The following PARG variants were observed in gnomAD, a reference collection of about 807,000 sequenced individuals.
PARG encodes mitochondrial poly(ADP-ribose) glycohydrolase.
Under a neutral mutation model 113.0 loss-of-function variants are expected in PARG, and 35 were observed. The observed-to-expected ratio is 0.31, with a 90% CI of 0.24 to 0.41. The LOEUF is 0.41. PARG is among the 10% of genes least tolerant of loss of function. The pLI, the probability that PARG is intolerant of heterozygous loss-of-function variation, is 1.00. For missense variants in PARG, 797 were observed against 1,169.4 expected (o/e 0.68, Z 4.64); for synonymous variants, 330 against 409.9 (o/e 0.81, Z 2.36).
intron 16 of PARG, among the ~76,000 whole-genome samples, chr10:49,826,814 T>C (rs1273149287): frequency 3.3e-5 from 5 of 152,168 alleles, no homozygotes; most frequent in Non-Finnish European, 5.9e-5. Context: ...CCTCCTTTCT[T>C]CTTGGGTCAC....
At chr10:49,926,084 G>A (rs1554850515) in intron 4 of PARG, among the ~76,000 whole-genome samples, 1 of 152,250 alleles carries the variant, frequency 6.6e-6, no homozygotes, top group Non-Finnish European at 1.5e-5. Context: ...GGAGAGGAAA[G>A]GGGAAGGCAT....
At chr10:49,898,863 T>C (rs1848222695) in intron 7 of PARG, among the ~76,000 whole-genome samples, 1 of 151,960 alleles carries the variant, frequency 6.6e-6, no homozygotes, top group Non-Finnish European at 1.5e-5. Flanking sequence ...TAAAAAGTAA[T>C]TCTCCCTCTT....
At chr10:49,936,464 A>T (rs1838742581) in intron 1 of PARG, among the ~76,000 whole-genome samples, 1 of 152,230 alleles carries the variant, frequency 6.6e-6, no homozygotes. Flanking sequence ...TTTCCTTCCT[A>T]ACACATCAGC....
At position 49,933,523 on chromosome 10, in the gene PARG, A is replaced by C. The variant is rs2132977606; in HGVS notation, c.925T>G (p.Ser309Ala). The part of the protein sequence containing the change: ...EPESPMDVDN[S>A]KNSCQDSEAD... Reference sequence around the variant, plus strand: ...TCTGAGTCTTGACAACTATTTTTAGAATTATCCACATCCATCGGTGACTCG... The same window carrying C: ...TCTGAGTCTTGACAACTATTTTTAGCATTATCCACATCCATCGGTGACTCG... The change falls in exon 3 of 18, where the codon TCT becomes GCT. Residue 309 changes from serine (S) to alanine (A), a missense_variant. Ser to Ala is a moderately conservative substitution (Grantham distance 99). Coordinates refer to ENST00000616448, the MANE Select transcript of PARG (RefSeq NM_003631.5). 6.2e-7 allele frequency: 1 copy of C among 1,611,342 alleles called. No individual in the cohort carries two copies. Among genetic ancestry groups the C allele is most frequent in the African/African-American group, 1.3e-5 (1 of 74,968 alleles).
Position 49,922,386 on chromosome 10 carries a change from G to C in PARG, c.1612C>G (p.Leu538Val). The C allele has an allele frequency of 2.5e-6, 4 of 1,607,290 alleles. No individual in the cohort carries two copies. The Admixed American group carries it at 5.1e-5, about 20-fold the overall frequency. ...TTGTTGAGAAGTGCAGTCTGAATGA[G>C]CTCCCACCGGCTCCCCGCAGTTCGC... ...GERTAGSRWE[L>V]IQTALLNKFT... The change falls in exon 6 of 18, where the codon CTC becomes GTC. Residue 538 changes from leucine to valine, a missense_variant. This residue lies in a region of PARG where 252 missense variants were observed against 437.4 expected (regional missense o/e 0.58). Transcript: ENST00000616448.
At chr10:49,824,368 T>A (rs1327990113) in intron 16 of PARG, among the ~76,000 whole-genome samples, 1 of 152,180 alleles carries the variant, frequency 6.6e-6, no homozygotes, top group Non-Finnish European at 1.5e-5. Flanking sequence ...TAGAAGAGAA[T>A]AAATCACAAG....
chr10:49,845,080 T>C (rs1845442660), intron 13 of PARG, among the ~76,000 whole-genome samples: 1 of 152,008 alleles, frequency 6.6e-6, no homozygotes, highest in Non-Finnish European at 1.5e-5. Flanking sequence ...AAAGAGAGGC[T>C]AAAATACAAA....
Position 49,940,714 on chromosome 10 carries a change from G to C in PARG, c.217+795C>G, listed in dbSNP as rs1838999724. 4.6e-5 allele frequency among the ~76,000 whole-genome samples: 7 copies of C among 152,230 alleles called. No individual in the cohort carries two copies. In the South Asian group the frequency reaches 1.5e-3, roughly 32 times the overall value. On this transcript the variant is annotated intron_variant, in intron 1 of 17. Transcript: ENST00000616448. ...GCTAATTTTTTGTATTTTTAGCAGA[G>C]ACGGGGTTTCACCATATTGGTAAGG...
chr10:49,893,435 G>A (rs1459647943), intron 7 of PARG, among the ~76,000 whole-genome samples: 9 of 152,084 alleles, frequency 5.9e-5, no homozygotes, highest in African/African-American at 2.2e-4. Context: ...TTTTTCAATT[G>A]TAGTTCTTTA....
intron 10 of PARG, among the ~76,000 whole-genome samples, chr10:49,866,201 T>C (rs1344986414): frequency 1.3e-5 from 2 of 152,144 alleles, no homozygotes; most frequent in African/African-American, 4.8e-5. Context: ...TTTGTCTGAT[T>C]CAAATCAAAG....
intron 15 of PARG, among the ~76,000 whole-genome samples, chr10:49,835,621 G>A (rs929076116): frequency 2.6e-5 from 4 of 151,958 alleles, no homozygotes; most frequent in Admixed American, 1.3e-4. Context: ...TGATAAAGAT[G>A]TAGGAAAGAA....
intron 15 of PARG, among the ~76,000 whole-genome samples, chr10:49,839,910 G>C (rs192266557): frequency 6.6e-6 from 1 of 152,058 alleles, no homozygotes; most frequent in African/African-American, 2.4e-5. Flanking sequence ...CCTCTTGACC[G>C]TGTGACAAAT....
intron 14 of PARG, among the ~76,000 whole-genome samples, chr10:49,842,753 C>G (rs1554832605): frequency 1.3e-5 from 2 of 152,040 alleles, no homozygotes; most frequent in Admixed American, 6.6e-5. Flanking sequence ...AAACTGAAAA[C>G]CAACAATAGA....
At chr10:49,846,033 A>G (rs1351494355) in intron 13 of PARG, among the ~76,000 whole-genome samples, 1 of 151,740 alleles carries the variant, frequency 6.6e-6, no homozygotes, top group Non-Finnish European at 1.5e-5. Context: ...TAGCCTAGCT[A>G]AGTTGACATT....
chr10:49,910,840 A>G (rs1837137162), intron 7 of PARG, among the ~76,000 whole-genome samples: 1 of 152,226 alleles, frequency 6.6e-6, no homozygotes, highest in African/African-American at 2.4e-5. Flanking sequence ...CAAATATCCA[A>G]GTCCAGAAAT....
chr10:49,927,025 T>C (rs1838202844), intron 4 of PARG, among the ~76,000 whole-genome samples: 1 of 151,962 alleles, frequency 6.6e-6, no homozygotes, highest in Non-Finnish European at 1.5e-5. Context: ...AAAATAAACC[T>C]GGGCCGGGGG....
chr10:49,895,254 C>T (rs1217397159), intron 7 of PARG, among the ~76,000 whole-genome samples: 2 of 152,132 alleles, frequency 1.3e-5, no homozygotes, highest in Non-Finnish European at 2.9e-5. Flanking sequence ...AAGCAATTCA[C>T]GTTAGTCTGC....
At chr10:49,902,148 T>C (rs1659864360) in intron 7 of PARG, among the ~76,000 whole-genome samples, 1 of 152,218 alleles carries the variant, frequency 6.6e-6, no homozygotes, top group Non-Finnish European at 1.5e-5. Context: ...TGAAAGAAGA[T>C]TCAGGGGTTT....
chr10:49,850,404 T>G (rs1372091251), intron 13 of PARG, among the ~76,000 whole-genome samples: 1 of 151,316 alleles, frequency 6.6e-6, no homozygotes, highest in Non-Finnish European at 1.5e-5. Flanking sequence ...GGAAACTAAA[T>G]AAGACAAGTA....
Sources: allele counts gnomAD v4.1 joint callset (sites outside exome capture counted in the v4.1 genomes callset), GRCh38; gene constraint gnomAD v4.1.1; regional missense constraint gnomAD v4.1.1; transcripts MANE v1.5; gene names NCBI Gene and HGNC (gene_info 2026-07-23, HGNC 2026-07-21).